ADAMTS12: variants seen among roughly 807,000 people sequenced by gnomAD.
ADAMTS12 encodes the protein ADAM metallopeptidase with thrombospondin type 1 motif 12.
Under a neutral mutation model 167.8 loss-of-function variants are expected in ADAMTS12, and 118 were observed. The ratio of observed to expected loss-of-function variants is 0.70; its 90% CI spans 0.61 to 0.82. ADAMTS12 has a LOEUF of 0.82. Ranked by LOEUF, ADAMTS12 falls within the 40% of genes least tolerant of loss-of-function variation. ADAMTS12 has a pLI of 0.00. For missense variants in ADAMTS12, 1,916 were observed against 1,998.8 expected, an observed-to-expected ratio of 0.96 and a Z score of 0.79; for synonymous variants, 704 against 716.9, an observed-to-expected ratio of 0.98 and a Z score of 0.29.
chr5:33,749,638 T>C (rs1264795856), intron 3 of ADAMTS12, among the ~76,000 whole-genome samples: 1 of 152,092 alleles, frequency 6.6e-6, no homozygotes, highest in African/African-American at 2.4e-5. Context: ...AGGCAAAGAT[T>C]GTATGGCATT....
intron 23 of ADAMTS12, 134 bp downstream of exon 23, chr5:33,534,699 G>A (rs1744285334): frequency 2.5e-6 from 3 of 1,179,180 alleles, no homozygotes; most frequent in Non-Finnish European, 2.3e-6. Context: ...TTGTTCCCAG[G>A]GTTACTGGTT....
intron 3 of ADAMTS12, among the ~76,000 whole-genome samples, chr5:33,694,717 C>A (rs974383747): frequency 1.3e-5 from 2 of 152,110 alleles, no homozygotes; most frequent in Non-Finnish European, 2.9e-5. Flanking sequence ...GCTTGAAATG[C>A]GCTGTACACA....
intron 7 of ADAMTS12, among the ~76,000 whole-genome samples, chr5:33,651,084 A>G (rs1740853123): frequency 6.6e-6 from 1 of 152,220 alleles, no homozygotes; most frequent in Admixed American, 6.5e-5. Context: ...GGAGTCAGAG[A>G]ATCAATGTAC....
At chr5:33,688,600 G>C (rs1742436481) in intron 3 of ADAMTS12, among the ~76,000 whole-genome samples, 1 of 152,210 alleles carries the variant, frequency 6.6e-6, no homozygotes, top group East Asian at 1.9e-4. Flanking sequence ...ACGGCAGCCA[G>C]GCATGGATCA....
At chr5:33,637,815 C>A in intron 11 of ADAMTS12, 69 bp from the exon 12 acceptor site, 1 of 1,522,942 alleles carries the variant, frequency 6.6e-7, no homozygotes, top group South Asian at 1.2e-5. Context: ...TAAAACTCCT[C>A]TGGTATCTGG....
intron 2 of ADAMTS12, among the ~76,000 whole-genome samples, chr5:33,864,915 C>T (rs1749757637): frequency 6.6e-6 from 1 of 151,952 alleles, no homozygotes; most frequent in African/African-American, 2.4e-5. Flanking sequence ...GTGCAGCAAA[C>T]CACCATGGCC....
At chr5:33,795,204 C>T (rs746415880) in intron 2 of ADAMTS12, among the ~76,000 whole-genome samples, 3 of 152,212 alleles carry the variant, frequency 2.0e-5, no homozygotes, top group Non-Finnish European at 4.4e-5. Context: ...CTGCAAGCAT[C>T]TGCCCTGGCA....
intron 2 of ADAMTS12, among the ~76,000 whole-genome samples, chr5:33,862,038 G>A (rs1490306822): frequency 1.3e-5 from 2 of 152,140 alleles, no homozygotes; most frequent in Non-Finnish European, 2.9e-5. Flanking sequence ...AGTGTTTAGA[G>A]GGAAATATAC....
intron 9 of ADAMTS12, among the ~76,000 whole-genome samples, chr5:33,644,055 A>T (rs1282863933): frequency 6.6e-6 from 1 of 152,242 alleles, no homozygotes; most frequent in Non-Finnish European, 1.5e-5. Flanking sequence ...GAAATGGCTT[A>T]GCTGCTTCCA....
At chr5:33,664,402 A>G (rs1319868990) in intron 5 of ADAMTS12, among the ~76,000 whole-genome samples, 1 of 152,214 alleles carries the variant, frequency 6.6e-6, no homozygotes, top group African/African-American at 2.4e-5. Context: ...CAAAGGTAAA[A>G]AAGCAATTCA....
At chr5:33,881,571 T>TG (rs1374164110) in intron 1 of ADAMTS12, 91 bp from the exon 2 acceptor site, 1 of 1,501,670 alleles carries the variant, frequency 6.7e-7, no homozygotes, top group African/African-American at 1.4e-5. Flanking sequence ...TAGCTTTTTT[T>TG]TTTTTTGGAA....
At chr5:33,883,319 T>G (rs973822861) in intron 1 of ADAMTS12, among the ~76,000 whole-genome samples, 73 of 113,080 alleles carry the variant, frequency 6.5e-4, no homozygotes, top group African/African-American at 2.1e-3. Context: ...TTGTTTGGTT[T>G]TTTTTTTGTT....
At chr5:33,584,802 T>G (rs1042718765) in intron 18 of ADAMTS12, among the ~76,000 whole-genome samples, 4 of 151,220 alleles carry the variant, frequency 2.6e-5, no homozygotes, top group African/African-American at 9.9e-5. Context: ...ATTAGTCTAA[T>G]TACTAGGAGA....
intron 10 of ADAMTS12, 36 bp downstream of exon 10, chr5:33,643,342 C>T (rs759590177): frequency 3.7e-5 from 60 of 1,607,538 alleles, no homozygotes; most frequent in South Asian, 5.5e-5. Flanking sequence ...CTCTGCCCAC[C>T]GCCCTCCCAC....
intron 3 of ADAMTS12, among the ~76,000 whole-genome samples, chr5:33,704,237 C>A (rs1448173438): frequency 6.6e-6 from 1 of 152,066 alleles, no homozygotes; most frequent in Non-Finnish European, 1.5e-5. Context: ...TTTTCTTTAT[C>A]CATTCATCTA....
intron 3 of ADAMTS12, among the ~76,000 whole-genome samples, chr5:33,706,738 C>T (rs938573491): frequency 1.3e-5 from 2 of 152,148 alleles, no homozygotes; most frequent in East Asian, 1.9e-4. Context: ...AAAAGGCCTT[C>T]GATAAAAGTC....
rs1017724598 is a variant in ADAMTS12, at chr5:33,771,456, A to G, written c.490-19908T>C. On this transcript the variant is annotated intron_variant, in intron 2 of 23. Transcript: ENST00000504830. ...AAGTGAAACATTCATCAACACATTA[A>G]TGGTATTAATGGTCCCACTCTGAGT... Among the ~76,000 whole-genome samples the G allele has an allele frequency of 2.0e-5, 3 of 152,182 alleles. No homozygotes were observed. In the East Asian group the frequency reaches 5.8e-4, roughly 29 times the overall value.
At chr5:33,615,140 T>A (rs1053067242) in intron 15 of ADAMTS12, among the ~76,000 whole-genome samples, 4 of 152,188 alleles carry the variant, frequency 2.6e-5, no homozygotes, top group Non-Finnish European at 4.4e-5. Flanking sequence ...GACTGGGGAT[T>A]CCCATGTGTT....
At chr5:33,717,095 T>C (rs1433715853) in intron 3 of ADAMTS12, among the ~76,000 whole-genome samples, 2 of 150,692 alleles carry the variant, frequency 1.3e-5, no homozygotes, top group East Asian at 1.9e-4. Context: ...CTGGTGTAAG[T>C]AGAGATTGAG....
Sources: allele counts gnomAD v4.1 joint callset (sites outside exome capture counted in the v4.1 genomes callset), GRCh38; gene constraint gnomAD v4.1.1; transcripts MANE v1.5; gene names NCBI Gene and HGNC (gene_info 2026-07-23, HGNC 2026-07-21).